Variants in C1D observed in about 807,000 individuals in gnomAD.
C1D encodes nuclear nucleic acid-binding protein C1D.
Under a neutral mutation model 17.5 loss-of-function variants are expected in C1D, and 10 were observed. The ratio of observed to expected loss-of-function variants is 0.57; its 90% confidence interval spans 0.35 to 0.97. C1D has a LOEUF of 0.97. C1D is among the 50% of genes least tolerant of loss of function. C1D has a pLI of 0.01. For missense variants in C1D, 136 were observed against 160.1 expected, an observed-to-expected ratio of 0.85 and a Z score of 0.81; for synonymous variants, 49 against 54.0, an observed-to-expected ratio of 0.91 and a Z score of 0.40.
intron 1 of C1D, among the ~76,000 whole-genome samples, chr2:68,049,380 A>G (rs1671220071): frequency 1.3e-5 from 2 of 152,210 alleles, no homozygotes; most frequent in Admixed American, 1.3e-4. Flanking sequence ...TTGCCTAGAT[A>G]AAGGTATAAG....
chr2:68,057,753 C>T (rs1671480865), intron 1 of C1D, among the ~76,000 whole-genome samples: 1 of 152,098 alleles, frequency 6.6e-6, no homozygotes, highest in Non-Finnish European at 1.5e-5. Context: ...AATGTCATTT[C>T]CCCCTACTTA....
At position 68,055,099 on chromosome 2, in the gene C1D, T is replaced by C. The variant is rs143003091; in HGVS notation, c.-9-7780A>G. 5.4e-4 allele frequency among the ~76,000 whole-genome samples: 82 copies of C among 152,106 alleles called. 1 individual carries two copies. In the East Asian group the frequency reaches 0.014, roughly 26 times the overall value. ...TTATCAGGTTCCCAAGTAACAGAAC[T>C]AGACTTCAAATTCTAGCTAACAAAT... On this transcript the variant is annotated intron_variant, in intron 1 of 4. Transcript: ENST00000410067.
At chr2:68,052,795 C>T (rs375869621) in intron 1 of C1D, among the ~76,000 whole-genome samples, 62 of 152,280 alleles carry the variant, frequency 4.1e-4, no homozygotes, top group African/African-American at 1.4e-3. Context: ...TTATAGGCAG[C>T]TGCTGAGTAT....
At chr2:68,060,268 G>C (rs1430617400) in intron 1 of C1D, among the ~76,000 whole-genome samples, 3 of 152,090 alleles carry the variant, frequency 2.0e-5, no homozygotes, top group Non-Finnish European at 2.9e-5. Flanking sequence ...CAACACCTCC[G>C]TGATTAGTCT....
At chr2:68,062,580 T>G (rs1400826305) in intron 1 of C1D, among the ~76,000 whole-genome samples, 1 of 152,242 alleles carries the variant, frequency 6.6e-6, no homozygotes, top group Non-Finnish European at 1.5e-5. Context: ...CCTCTCTCCC[T>G]AAGCAAGATT....
chr2:68,043,657 C>T (rs1201513863), intron 4 of C1D, among the ~76,000 whole-genome samples: 6 of 152,142 alleles, frequency 3.9e-5, no homozygotes, highest in African/African-American at 1.4e-4. Flanking sequence ...TAATATGTTG[C>T]TGTACCACTG....
At chr2:68,057,911 A>G (rs904924441) in intron 1 of C1D, among the ~76,000 whole-genome samples, 2 of 152,204 alleles carry the variant, frequency 1.3e-5, no homozygotes, top group Non-Finnish European at 2.9e-5. Flanking sequence ...TGCTTGCTAC[A>G]TGGCCATACC....
intron 1 of C1D, chr2:68,053,231 G>A (rs540416564): frequency 3.6e-5 from 55 of 1,542,654 alleles, no homozygotes; most frequent in African/African-American, 1.6e-4. Context: ...CCTGGGTTGC[G>A]GGGATGCTGC....
Position 68,042,330 on chromosome 2 carries a change from C to A in C1D, c.*559G>T, listed in dbSNP as rs1244987382. 6.6e-6 allele frequency: 1 copy of A among 152,530 alleles called. No homozygotes were observed. Among genetic ancestry groups the A allele is most frequent in the East Asian group, 1.9e-4 (1 of 5,202 alleles). The allele number at this position is 152,530 out of a possible 1,614,324, so 9.4% of individuals were successfully genotyped here. A position where few individuals can be genotyped will look rare whatever the true frequency, so the allele number is the denominator to read the frequency against. ...TTTTATTTTAAATGGGACATAGAGG[C>A]AACATGCCAAGAATTAAAGTACAAC... On this transcript the variant is annotated 3_prime_UTR_variant, in exon 5 of 5. Transcript: ENST00000410067.
chr2:68,060,298 A>G (rs1264689608), intron 1 of C1D, among the ~76,000 whole-genome samples: 1 of 151,958 alleles, frequency 6.6e-6, no homozygotes, highest in Non-Finnish European at 1.5e-5. Flanking sequence ...CACCTACCCC[A>G]CCCCACAGCA....
chr2:68,054,449 A>G (rs1230923522), intron 1 of C1D, among the ~76,000 whole-genome samples: 2 of 152,210 alleles, frequency 1.3e-5, no homozygotes, highest in Admixed American at 6.5e-5. Flanking sequence ...ACTGCTGTCT[A>G]CAAGTGGAAT....
intron 2 of C1D, 80 bp downstream of exon 2, chr2:68,047,093 T>G: frequency 7.6e-7 from 1 of 1,313,604 alleles, no homozygotes; most frequent in Admixed American, 2.3e-5. Flanking sequence ...GTCATTAATC[T>G]GTTTCTTCTT....
rs1670989716 is a variant in C1D at position 68,042,587 on chromosome 2, T to G, written c.*302A>C. ...AAATGTTTACAAAGAACATTTCACT[T>G]AAATTTCACAGCTGCTTATAAAATG... On this transcript the variant is annotated 3_prime_UTR_variant, in exon 5 of 5. Coordinates refer to ENST00000410067, the MANE Select transcript of C1D (RefSeq NM_173177.3). The G allele has an allele frequency of 5.5e-6, 1 of 182,742 alleles. No homozygotes were observed. The highest frequency in any genetic ancestry group is 1.2e-5 in the Non-Finnish European group (1 of 85,990). The allele number at this position is 182,742 out of a possible 1,614,324, so 11.3% of individuals were successfully genotyped here. A position where few individuals can be genotyped will look rare whatever the true frequency, so the allele number is the denominator to read the frequency against.
chr2:68,043,773 T>C (rs1346649004), intron 4 of C1D, among the ~76,000 whole-genome samples: 2 of 152,240 alleles, frequency 1.3e-5, no homozygotes, highest in East Asian at 3.8e-4. Flanking sequence ...GACTGATCAC[T>C]GCTTAAAAAC....
At chr2:68,048,493 G>C (rs967088611) in intron 1 of C1D, among the ~76,000 whole-genome samples, 15 of 152,120 alleles carry the variant, frequency 9.9e-5, no homozygotes, top group Non-Finnish European at 1.8e-4. Flanking sequence ...CTAATGATCT[G>C]TAAAGTTCCT....
intron 1 of C1D, among the ~76,000 whole-genome samples, chr2:68,060,025 G>A (rs72906864): frequency 0.037 from 5,703 of 152,098 alleles, 312 homozygotes; most frequent in African/African-American, 0.13. Flanking sequence ...ACTGAACTCC[G>A]AATCTTCCCA....
At position 68,053,308 on chromosome 2, in the gene C1D, T is replaced by C. The variant is rs964276019; in HGVS notation, c.-9-5989A>G. The C allele has an allele frequency of 7.4e-6, 9 of 1,222,802 alleles. No individual in the cohort carries two copies. In the African/African-American group the frequency reaches 1.2e-4, roughly 17 times the overall value. 75.7% of individuals were successfully genotyped at this position (1,222,802 alleles called of 1,614,324 possible). A position where few individuals can be genotyped will look rare whatever the true frequency, so the allele number is the denominator to read the frequency against. Reference sequence around the variant, plus strand: ...CTCACTGGTTATACAGAAGCCAAAGTACCGATAGGAGAAAACAAGAGTGCA... The same window carrying C: ...CTCACTGGTTATACAGAAGCCAAAGCACCGATAGGAGAAAACAAGAGTGCA... On this transcript the variant is annotated intron_variant, in intron 1 of 4. Coordinates refer to ENST00000410067, the MANE Select transcript of C1D (RefSeq NM_173177.3).
At chr2:68,047,136 T>C (rs1482174618) in intron 2 of C1D, 37 bp downstream of exon 2, 27 of 1,571,310 alleles carry the variant, frequency 1.7e-5, no homozygotes, top group Non-Finnish European at 2.2e-5. Context: ...TTCTGTTTTA[T>C]GAAATTCATT....
intron 1 of C1D, among the ~76,000 whole-genome samples, chr2:68,050,111 T>C (rs2103801921): frequency 6.6e-6 from 1 of 152,300 alleles, no homozygotes; most frequent in East Asian, 1.9e-4. Flanking sequence ...AAAATGCACA[T>C]ACCCTTTGAC....
Sources: gnomAD v4.1 joint callset for allele counts (sites outside exome capture counted in the v4.1 genomes callset) on GRCh38, gnomAD v4.1.1 for gene constraint, MANE v1.5 for transcripts, NCBI Gene and HGNC (gene_info 2026-07-23, HGNC 2026-07-21) for gene names.